The following ADCY8 variants were observed in gnomAD, a reference collection of about 807,000 sequenced individuals.
ADCY8 encodes adenylate cyclase type 8.
Under a neutral mutation model 119.7 loss-of-function variants are expected in ADCY8, and 51 were observed. The ratio of observed to expected loss-of-function variants is 0.43; its 90% CI spans 0.34 to 0.54. The LOEUF is 0.54. ADCY8 is among the 20% of genes least tolerant of loss of function. The pLI, the probability that ADCY8 is intolerant of heterozygous loss-of-function variation, is 0.03. For synonymous variants in ADCY8, 665 were observed against 651.0 expected (o/e 1.02, Z -0.33); for missense variants, 1,383 against 1,598.8 (o/e 0.87, Z 2.30).
chr8:131,009,300 T>G (rs1823225743), intron 1 of ADCY8, among the ~76,000 whole-genome samples: 1 of 152,148 alleles, frequency 6.6e-6, no homozygotes, highest in African/African-American at 2.4e-5. Flanking sequence ...GACTTGGCGC[T>G]CTGAGCCCCA....
intron 5 of ADCY8, among the ~76,000 whole-genome samples, chr8:130,931,618 C>T (rs186357942): frequency 3.9e-5 from 6 of 152,172 alleles, no homozygotes; most frequent in Admixed American, 6.5e-5. Flanking sequence ...ATCTTGTAAG[C>T]TTTCTTTATA....
chr8:130,899,000 C>T lies in ADCY8; in HGVS notation c.1911+4772G>A, dbSNP rs913119267. Among the ~76,000 whole-genome samples, 3 of 152,182 alleles carry T rather than the reference C, an allele frequency of 2.0e-5. No individual in the cohort carries two copies. In the East Asian group the frequency reaches 5.8e-4, roughly 29 times the overall value. ...TCAACAAAGCTTGCAGGACGGAGGT[C>T]CCAGCCCCTTCAGCTCCATCTGTTA... On this transcript the variant is annotated intron_variant, in intron 7 of 17. Coordinates refer to ENST00000286355, the MANE Select transcript of ADCY8 (RefSeq NM_001115.3).
intron 12 of ADCY8, among the ~76,000 whole-genome samples, chr8:130,826,446 C>A (rs2130223810): frequency 6.6e-6 from 1 of 152,294 alleles, no homozygotes; most frequent in African/African-American, 2.4e-5. Context: ...TTCTCCACCA[C>A]ATGGCTTCTA....
At chr8:131,008,617 C>A (rs1375406625) in intron 1 of ADCY8, among the ~76,000 whole-genome samples, 1 of 152,088 alleles carries the variant, frequency 6.6e-6, no homozygotes, top group Non-Finnish European at 1.5e-5. Context: ...CAGACTAATA[C>A]AATAAATTGG....
chr8:130,965,091 G>A (rs1208101105), intron 2 of ADCY8, among the ~76,000 whole-genome samples: 1 of 152,126 alleles, frequency 6.6e-6, no homozygotes, highest in East Asian at 1.9e-4. Context: ...CAGATGCATA[G>A]TTTGTGAATA....
chr8:130,942,601 C>A (rs1207381801), intron 4 of ADCY8, among the ~76,000 whole-genome samples: 1 of 152,154 alleles, frequency 6.6e-6, no homozygotes, highest in East Asian at 1.9e-4. Flanking sequence ...TTTTGATGCT[C>A]TAAAAATGAA....
chr8:130,930,523 T>C (rs1820602459), intron 5 of ADCY8, among the ~76,000 whole-genome samples: 1 of 152,150 alleles, frequency 6.6e-6, no homozygotes, highest in Admixed American at 6.5e-5. Context: ...AGTGCTGGGA[T>C]TACAGGTGTG....
chr8:131,027,633 A>C (rs1398838762), intron 1 of ADCY8, among the ~76,000 whole-genome samples: 1 of 152,194 alleles, frequency 6.6e-6, no homozygotes, highest in Non-Finnish European at 1.5e-5. Flanking sequence ...GTCAATTGTT[A>C]CTTGTTGGGG....
intron 3 of ADCY8, among the ~76,000 whole-genome samples, chr8:130,950,469 A>T (rs780215323): frequency 4.6e-5 from 7 of 151,842 alleles, no homozygotes; most frequent in Non-Finnish European, 8.8e-5. Context: ...AGGGAATTGC[A>T]GTGGTGGCTG....
intron 13 of ADCY8, among the ~76,000 whole-genome samples, chr8:130,818,556 G>A (rs997171239): frequency 1.3e-5 from 2 of 152,186 alleles, no homozygotes; most frequent in Non-Finnish European, 2.9e-5. Flanking sequence ...AACCACCTCC[G>A]TCCCTCTGGA....
chr8:130,942,173 G>C (rs979689618), intron 4 of ADCY8, among the ~76,000 whole-genome samples: 1 of 152,066 alleles, frequency 6.6e-6, no homozygotes, highest in African/African-American at 2.4e-5. Flanking sequence ...AAAATACCTA[G>C]CATTTTGTAT....
At chr8:130,833,255 C>G (rs1406645681) in intron 12 of ADCY8, among the ~76,000 whole-genome samples, 2 of 152,160 alleles carry the variant, frequency 1.3e-5, no homozygotes, top group Non-Finnish European at 2.9e-5. Flanking sequence ...GAATACGGAT[C>G]TGTTATTTAC....
At chr8:130,989,374 G>A (rs1822504067) in intron 2 of ADCY8, among the ~76,000 whole-genome samples, 2 of 152,076 alleles carry the variant, frequency 1.3e-5, no homozygotes, top group Non-Finnish European at 2.9e-5. Flanking sequence ...GTGATTTGAT[G>A]CAAATTAATC....
At chr8:131,013,732 TTCA>T (rs138287749) in intron 1 of ADCY8, among the ~76,000 whole-genome samples, 3,274 of 152,244 alleles carry the variant, frequency 0.022, 134 homozygotes, top group African/African-American at 0.073. Context: ...AGCATTTTGA[TTCA>T]TCATTAGTTA....
chr8:130,958,626 C>T (rs1158727975), intron 2 of ADCY8, among the ~76,000 whole-genome samples: 1 of 152,098 alleles, frequency 6.6e-6, no homozygotes, highest in Non-Finnish European at 1.5e-5. Context: ...TGCAGGGGAA[C>T]TCATGTTTAT....
chr8:130,821,457 G>C, intron 12 of ADCY8, 37 bp from the exon 13 acceptor site: 1 of 1,517,422 alleles, frequency 6.6e-7, no homozygotes, highest in Non-Finnish European at 9.1e-7. Context: ...ACCATGGGGG[G>C]ACTTCAAGGA....
chr8:130,972,034 C>T (rs1821938409), intron 2 of ADCY8, among the ~76,000 whole-genome samples: 1 of 152,190 alleles, frequency 6.6e-6, no homozygotes, highest in African/African-American at 2.4e-5. Context: ...TAAAACCACT[C>T]TCATAAACAG....
chr8:130,899,853 A>G (rs527263458), intron 7 of ADCY8, among the ~76,000 whole-genome samples: 32 of 152,290 alleles, frequency 2.1e-4, no homozygotes, highest in African/African-American at 7.2e-4. Context: ...GAGAGATTCA[A>G]TGTCCATGTT....
chr8:131,032,501 T>C (rs1226005240), intron 1 of ADCY8, among the ~76,000 whole-genome samples: 1 of 152,134 alleles, frequency 6.6e-6, no homozygotes, highest in East Asian at 1.9e-4. Flanking sequence ...GACAACACCT[T>C]GTCAGATAAG....
Sources: allele counts gnomAD v4.1 joint callset (sites outside exome capture counted in the v4.1 genomes callset), GRCh38; gene constraint gnomAD v4.1.1; transcripts MANE v1.5; gene names NCBI Gene and HGNC (gene_info 2026-07-23, HGNC 2026-07-21).